The following ACSS3 variants were observed in gnomAD, a reference collection of about 807,000 sequenced individuals.
The protein encoded by ACSS3 is acyl-CoA synthetase short chain family member 3.
A neutral mutation model predicts 84.2 loss-of-function variants in ACSS3; 64 were observed. The ratio of observed to expected loss-of-function variants is 0.76; its 90% CI spans 0.62 to 0.94. ACSS3 has a LOEUF of 0.94. ACSS3 is among the 40% of genes least tolerant of loss of function. The pLI, the probability that ACSS3 is intolerant of heterozygous loss-of-function variation, is 0.00. For missense variants in ACSS3, 815 were observed against 867.6 expected (o/e 0.94, Z 0.76); for synonymous variants, 317 against 310.1 (o/e 1.02, Z -0.23).
rs924560750 is a variant in ACSS3, at chr12:81,261,018, T to C, written c.*6096T>C. ...TTTTAAAGTAGCTTTCATTAATTGG[T>C]ATTTCCTTAAAATCAAATGCTTGGT... is the stretch of plus-strand genomic sequence containing the variant. On this transcript the variant is annotated 3_prime_UTR_variant, in exon 16 of 16. Transcript: ENST00000548058. 6.6e-6 allele frequency: 1 copy of C among 152,192 alleles called. No homozygotes were observed. Among genetic ancestry groups the C allele is most frequent in the African/African-American group, 2.4e-5 (1 of 41,454 alleles). The allele number at this position is 152,192 out of a possible 1,614,324, so 9.4% of individuals were successfully genotyped here.
At chr12:81,156,702 T>C (rs1293488685) in intron 7 of ACSS3, among the ~76,000 whole-genome samples, 1 of 152,104 alleles carries the variant, frequency 6.6e-6, no homozygotes, top group African/African-American at 2.4e-5. Flanking sequence ...TAGATGAAGA[T>C]GAAATAGACT....
At chr12:81,249,333 G>A (rs1434243574) in intron 13 of ACSS3, among the ~76,000 whole-genome samples, 1 of 151,942 alleles carries the variant, frequency 6.6e-6, no homozygotes, top group African/African-American at 2.4e-5. Flanking sequence ...GAAACAAATT[G>A]GGCTCTCTAA....
chr12:81,096,552 C>T (rs1301293390), intron 1 of ACSS3, among the ~76,000 whole-genome samples: 1 of 152,096 alleles, frequency 6.6e-6, no homozygotes, highest in African/African-American at 2.4e-5. Flanking sequence ...ATACATGTGC[C>T]ATGTGGTTTG....
intron 2 of ACSS3, among the ~76,000 whole-genome samples, chr12:81,115,184 C>T (rs1178838328): frequency 1.3e-5 from 2 of 152,016 alleles, no homozygotes; most frequent in East Asian, 1.9e-4. Flanking sequence ...GTGTTGGGGA[C>T]GTGCTTAGGA....
intron 3 of ACSS3, 71 bp from the exon 4 acceptor site, chr12:81,139,060 C>T: frequency 6.7e-7 from 1 of 1,483,684 alleles, no homozygotes. Context: ...TGCCAGTCTG[C>T]AACTAAAATA....
In ACSS3 at chr12:81,132,595, A is replaced by AT. The variant is rs34961671; in HGVS notation, c.457-2215dup. On this transcript the variant is annotated intron_variant, in intron 2 of 15. Transcript: ENST00000548058. The stretch of plus-strand genomic sequence containing the variant: ...AAAAAACCAGCTCCTAGATTCATTG[A>AT]TTTTTTGAAGGAAATTTTGTGTCTC... Among the ~76,000 whole-genome samples, 7 of 152,034 alleles carry AT rather than the reference A, an allele frequency of 4.6e-5. No individual in the cohort carries two copies. In the East Asian group the frequency reaches 9.7e-4, roughly 21 times the overall value.
At chr12:81,172,805 T>C (rs1172067711) in intron 7 of ACSS3, among the ~76,000 whole-genome samples, 2 of 152,216 alleles carry the variant, frequency 1.3e-5, no homozygotes, top group African/African-American at 4.8e-5. Flanking sequence ...TCTTACATGG[T>C]ATATCATTTT....
chr12:81,258,444 G>A lies in ACSS3; in HGVS notation c.*3522G>A, dbSNP rs921541554. 4 of 152,108 alleles carry A rather than the reference G, an allele frequency of 2.6e-5. No individual in the cohort carries two copies. Among genetic ancestry groups the A allele is most frequent in the African/African-American group, 9.7e-5 (4 of 41,440 alleles). 9.4% of individuals were successfully genotyped at this position (152,108 alleles called of 1,614,324 possible). ...GTCTTGCGCTTAATAAGATCAAGCA[G>A]CAGAAAATCAGCAGTTAGATAAATG... On this transcript the variant is annotated 3_prime_UTR_variant, in exon 16 of 16. Coordinates refer to ENST00000548058, the MANE Select transcript of ACSS3 (RefSeq NM_024560.4).
At chr12:81,158,887 C>T (rs564130443) in intron 7 of ACSS3, among the ~76,000 whole-genome samples, 1 of 152,074 alleles carries the variant, frequency 6.6e-6, no homozygotes, top group East Asian at 1.9e-4. Context: ...TTGATGTGTT[C>T]GTTTGCCCTT....
At chr12:81,254,232 A>G (rs555633212) in intron 15 of ACSS3, among the ~76,000 whole-genome samples, 1 of 152,198 alleles carries the variant, frequency 6.6e-6, no homozygotes, top group South Asian at 2.1e-4. Context: ...TGCCTGCCAA[A>G]ATATTTTTTC....
intron 2 of ACSS3, among the ~76,000 whole-genome samples, chr12:81,117,636 C>A (rs922927629): frequency 2.0e-5 from 3 of 152,088 alleles, no homozygotes; most frequent in Admixed American, 2.0e-4. Context: ...CATATAGAAC[C>A]TTGCAGGCCA....
chr12:81,078,548 T>A, intron 1 of ACSS3, 117 bp downstream of exon 1: 1 of 1,144,334 alleles, frequency 8.7e-7, no homozygotes, highest in South Asian at 1.3e-5. Context: ...AAACTGGAGA[T>A]GTGTTCAGAC....
At chr12:81,136,759 C>G (rs914117061) in intron 3 of ACSS3, among the ~76,000 whole-genome samples, 2 of 152,128 alleles carry the variant, frequency 1.3e-5, no homozygotes, top group African/African-American at 4.8e-5. Context: ...AGTTTTTGAA[C>G]AGGCAAGTGT....
chr12:81,141,606 G>A (rs1012753291), intron 4 of ACSS3, among the ~76,000 whole-genome samples: 6 of 151,992 alleles, frequency 3.9e-5, no homozygotes, highest in African/African-American at 1.2e-4. Context: ...CTGTTTCTTA[G>A]CCTGAAGAAT....
rs951126006 is a variant in ACSS3, at chr12:81,258,712, T to C, written c.*3790T>C. On this transcript the variant is annotated 3_prime_UTR_variant, in exon 16 of 16. Transcript: ENST00000548058. ...TGAGTCTGGCTAATGCCCTGTTACA[T>C]TGACAAAAGGGAAAGGTATCTTGGG... 1 of 152,106 alleles carries C rather than the reference T, an allele frequency of 6.6e-6. No homozygotes were observed. The highest frequency in any genetic ancestry group is 2.4e-5 in the African/African-American group (1 of 41,418). The allele number at this position is 152,106 out of a possible 1,614,324, so 9.4% of individuals were successfully genotyped here. A position where few individuals can be genotyped will look rare whatever the true frequency, so the allele number is the denominator to read the frequency against.
At chr12:81,121,524 G>A (rs1006192494) in intron 2 of ACSS3, among the ~76,000 whole-genome samples, 1 of 151,754 alleles carries the variant, frequency 6.6e-6, no homozygotes, top group Non-Finnish European at 1.5e-5. Flanking sequence ...TTATTTTAGT[G>A]TATTATTAAG....
In ACSS3 at chr12:81,203,290, C is replaced by G. The variant is rs539109841; in HGVS notation, c.1354+3846C>G. On this transcript the variant is annotated intron_variant, in intron 9 of 15. Transcript: ENST00000548058. ...TCTGCCTGCTTGGATGGTGCCCACT[C>G]GCACTGAGGAAAGATCTTCTCATCT... is the stretch of plus-strand genomic sequence containing the variant. Among the ~76,000 whole-genome samples the G allele has an allele frequency of 5.3e-5, 8 of 152,144 alleles. 1 individual carries two copies. Among genetic ancestry groups the G allele is most frequent in the Admixed American group, 5.2e-4 (8 of 15,266 alleles).
At chr12:81,080,483 C>T (rs1381213173) in intron 1 of ACSS3, among the ~76,000 whole-genome samples, 2 of 151,908 alleles carry the variant, frequency 1.3e-5, no homozygotes, top group Admixed American at 6.6e-5. Context: ...GTCTTGAACT[C>T]ATGCCCAGAA....
At chr12:81,140,749 T>G (rs1886053993) in intron 4 of ACSS3, among the ~76,000 whole-genome samples, 1 of 152,166 alleles carries the variant, frequency 6.6e-6, no homozygotes, top group Non-Finnish European at 1.5e-5. Flanking sequence ...AGGCTTTGGG[T>G]AAGAACAGTT....
Sources: allele counts gnomAD v4.1 joint callset (sites outside exome capture counted in the v4.1 genomes callset), GRCh38; gene constraint gnomAD v4.1.1; transcripts MANE v1.5; gene names NCBI Gene and HGNC (gene_info 2026-07-23, HGNC 2026-07-21).